C4orf50: variants seen among roughly 807,000 people sequenced by gnomAD.
The protein encoded by C4orf50 is chromosome 4 open reading frame 50.
Under a neutral mutation model 77.2 loss-of-function variants are expected in C4orf50, and 80 were observed. That is an observed-to-expected ratio of 1.04 (90% CI 0.87 to 1.25). The LOEUF is 1.25. Ranked by LOEUF, C4orf50 falls within the 50% of genes most tolerant of loss-of-function variation. C4orf50 has a pLI of 0.00. For missense variants in C4orf50, 1,257 were observed against 1,152.9 expected, an observed-to-expected ratio of 1.09 and a Z score of -1.31; for synonymous variants, 532 against 465.3, an observed-to-expected ratio of 1.14 and a Z score of -1.84.
chr4:5,904,719 C>T (rs1244244405), intron 7 of C4orf50: 2 of 152,186 alleles, frequency 1.3e-5, no homozygotes, highest in African/African-American at 4.8e-5. Context: ...AATCCATGCT[C>T]CTTCTCCCTA....
chr4:5,899,213 G>A (rs575458320), intron 7 of C4orf50: 3 of 152,226 alleles, frequency 2.0e-5, no homozygotes, highest in Non-Finnish European at 4.4e-5. Flanking sequence ...TAGGAATGCA[G>A]TTTGCCATTG....
downstream of C4orf50, among the ~76,000 whole-genome samples, chr4:5,956,499 C>T (rs982396842): frequency 6.6e-6 from 1 of 152,174 alleles, no homozygotes; most frequent in East Asian, 1.9e-4. Context: ...GACAAGTGCT[C>T]GGAGAAGCAT....
In C4orf50 at chr4:5,975,669, C is replaced by T. The variant is rs1011173458; in HGVS notation, c.3921+230G>A. 2.9e-4 allele frequency among the ~76,000 whole-genome samples: 44 copies of T among 152,008 alleles called. 1 individual carries two copies. The highest frequency in any genetic ancestry group is 1.3e-4 in the Admixed American group (2 of 15,256). ...CTGGGACTATAGACGCATGCCATCACGCCTGTATGGGATTTGGCCATGTTG... is the reference window on the plus strand; with the variant it reads ...CTGGGACTATAGACGCATGCCATCATGCCTGTATGGGATTTGGCCATGTTG... On this transcript the variant is annotated intron_variant, in intron 30 of 33. Transcript: ENST00000531445.
At chr4:6,012,358 T>G (rs1385602092) in intron 23 of C4orf50, among the ~76,000 whole-genome samples, 1 of 152,016 alleles carries the variant, frequency 6.6e-6, no homozygotes, top group African/African-American at 2.4e-5. Context: ...ACTTCACACA[T>G]GAGGAAATAG....
intron 32 of C4orf50, among the ~76,000 whole-genome samples, chr4:5,966,939 C>T (rs1719606995): frequency 1.3e-5 from 2 of 152,226 alleles, no homozygotes; most frequent in Admixed American, 6.5e-5. Context: ...TGAGCCACTG[C>T]GCCTGGCCCA....
At chr4:5,931,831 G>A (rs1038421035) in intron 7 of C4orf50, among the ~76,000 whole-genome samples, 4 of 152,052 alleles carry the variant, frequency 2.6e-5, no homozygotes, top group Admixed American at 2.6e-4. Context: ...TCACCACCCC[G>A]GGGTGTCACT....
At chr4:5,959,177 T>A (rs1364077645) in exon 34 of C4orf50, 2 of 616,046 alleles carry the variant, frequency 3.2e-6, no homozygotes, top group Non-Finnish European at 5.6e-6. Flanking sequence ...AAAGCCAAAC[T>A]CCTCAGAATT....
intron 31 of C4orf50, among the ~76,000 whole-genome samples, chr4:5,971,281 G>C (rs1011065197): frequency 5.9e-5 from 9 of 152,184 alleles, no homozygotes; most frequent in Non-Finnish European, 1.2e-4. Context: ...AGCAGCACTG[G>C]ACCCGCTTCC....
At chr4:5,967,169 G>C (rs998775029) in intron 32 of C4orf50, among the ~76,000 whole-genome samples, 6 of 152,220 alleles carry the variant, frequency 3.9e-5, no homozygotes, top group African/African-American at 1.4e-4. Flanking sequence ...CTTAGGATGA[G>C]TTTCCAGGAG....
intron 25 of C4orf50, among the ~76,000 whole-genome samples, chr4:5,995,401 G>A (rs1029485000): frequency 2.0e-5 from 3 of 151,802 alleles, no homozygotes; most frequent in Admixed American, 6.6e-5. Flanking sequence ...CCCAGCTGCC[G>A]CCCTGCTGCA....
At chr4:5,951,715 C>T (rs1480181773) in intron 7 of C4orf50, among the ~76,000 whole-genome samples, 1 of 152,134 alleles carries the variant, frequency 6.6e-6, no homozygotes. Context: ...TCTGAAGTCT[C>T]CCTGCTCTAC....
rs569004111 is a variant in C4orf50 at position 6,017,178 on chromosome 4, C to T, written c.287+967G>A. Among the ~76,000 whole-genome samples, 1 of 152,350 alleles carries T rather than the reference C, an allele frequency of 6.6e-6. No individual in the cohort carries two copies. The highest frequency in any genetic ancestry group is 2.1e-4 in the South Asian group (1 of 4,830). ...ACAGAGAGAAACGAATGCGGAGAAC[C>T]TATTTCAAAGATGACAGCAGAGTCC... On this transcript the variant is annotated intron_variant, in intron 23 of 33. Transcript: ENST00000531445. The surrounding 1 kb of genome is among the most constrained non-coding windows in gnomAD (Gnocchi z 4.7).
exon 26 of C4orf50, chr4:5,994,442 G>A (rs1721465533): frequency 1.0e-5 from 4 of 399,050 alleles, no homozygotes; most frequent in Non-Finnish European, 1.8e-5. Flanking sequence ...CCTGGGCAGG[G>A]GCAGTGAGTC....
intron 7 of C4orf50, among the ~76,000 whole-genome samples, chr4:5,934,725 G>A (rs977454968): frequency 6.6e-6 from 1 of 152,200 alleles, no homozygotes; most frequent in South Asian, 2.1e-4. Flanking sequence ...AGCCTAGAAC[G>A]AGGGTTTACT....
intron 7 of C4orf50, among the ~76,000 whole-genome samples, chr4:5,940,331 T>A (rs538185028): frequency 1.3e-5 from 2 of 152,258 alleles, no homozygotes; most frequent in Admixed American, 1.3e-4. Flanking sequence ...TAATTCATTA[T>A]ACTATTATGG....
intron 31 of C4orf50, among the ~76,000 whole-genome samples, chr4:5,969,845 G>A (rs977854920): frequency 2.6e-5 from 4 of 152,148 alleles, no homozygotes; most frequent in African/African-American, 9.7e-5. Context: ...GAGAGGACAG[G>A]AAACTACCCA....
intron 26 of C4orf50, 102 bp from the exon 5 acceptor site, chr4:5,993,032 C>T (rs970983248): frequency 7.6e-6 from 3 of 396,090 alleles, no homozygotes; most frequent in Non-Finnish European, 8.9e-6. Context: ...AAGATGGCAC[C>T]CCCCCCACCC....
In C4orf50 at chr4:5,977,506, T is replaced by C. The variant is rs536500001; in HGVS notation, c.3865-1551A>G. Reference sequence around the variant, plus strand: ...GTGATACAAAAATTTTGATGGTATTTTCATATTAACACATAGAAACTGACC... The same window carrying C: ...GTGATACAAAAATTTTGATGGTATTCTCATATTAACACATAGAAACTGACC... On this transcript the variant is annotated intron_variant, in intron 29 of 33. Transcript: ENST00000531445. Among the ~76,000 whole-genome samples, 14 of 152,330 alleles carry C rather than the reference T, an allele frequency of 9.2e-5. No individual in the cohort carries two copies. In the East Asian group the frequency reaches 1.9e-3, roughly 21 times the overall value.
At chr4:5,952,879 CT>C (rs1186071246), downstream of C4orf50, among the ~76,000 whole-genome samples, 1 of 152,232 alleles carries the variant, frequency 6.6e-6, no homozygotes, top group African/African-American at 2.4e-5. This position sits in a 1 kb window ranked among gnomAD's most constrained non-coding sequence, Gnocchi z 4.4. Context: ...GCATCCACCC[CT>C]GACTCCACTT....
Sources: allele counts gnomAD v4.1 joint callset (sites outside exome capture counted in the v4.1 genomes callset), GRCh38; gene constraint gnomAD v4.1.1; non-coding constraint Gnocchi (gnomAD v3.1); transcripts MANE v1.5; gene names NCBI Gene and HGNC (gene_info 2026-07-23, HGNC 2026-07-21).